SUGP1: variants seen among roughly 807,000 people sequenced by gnomAD.
The protein encoded by SUGP1 is SURP and G-patch domain-containing protein 1.
Under a neutral mutation model 76.5 loss-of-function variants are expected in SUGP1, and 34 were observed. The ratio of observed to expected loss-of-function variants is 0.44; its 90% CI spans 0.34 to 0.59. SUGP1 has a LOEUF of 0.59. Ranked by LOEUF, SUGP1 falls within the 20% of genes least tolerant of loss-of-function variation. The pLI is 0.01. For missense variants in SUGP1, 752 were observed against 851.7 expected (o/e 0.88, Z 1.46); for synonymous variants, 326 against 326.2 (o/e 1.00, Z 0.01).
intron 13 of SUGP1, 40 bp downstream of exon 13, chr19:19,276,907 C>T: frequency 6.2e-7 from 1 of 1,609,726 alleles, no homozygotes; most frequent in Non-Finnish European, 8.5e-7. Flanking sequence ...CCACCCTCTC[C>T]TGTCGACTGA....
chr19:19,314,261 T>C (rs897384266), intron 2 of SUGP1, among the ~76,000 whole-genome samples: 7 of 151,966 alleles, frequency 4.6e-5, no homozygotes, highest in Admixed American at 2.0e-4. Context: ...AGGCGGAGGT[T>C]GTAGTGAGCC....
chr19:19,320,500 A>G lies in SUGP1; in HGVS notation c.-4T>C. 6.2e-7 allele frequency: 1 copy of G among 1,609,540 alleles called. No homozygotes were observed. Among genetic ancestry groups the G allele is most frequent in the Non-Finnish European group, 8.5e-7 (1 of 1,178,412 alleles). On this transcript the variant is annotated 5_prime_UTR_variant, in exon 1 of 14. Transcript: ENST00000247001. Reference sequence around the variant, plus strand: ...GGTTGTCCATCTTGAGACTCATCCAATCCCACAATGCTCCGGCGCCCCTTA... The same window carrying G: ...GGTTGTCCATCTTGAGACTCATCCAGTCCCACAATGCTCCGGCGCCCCTTA...
chr19:19,278,150 A>C (rs897154780), intron 11 of SUGP1, among the ~76,000 whole-genome samples: 2 of 152,224 alleles, frequency 1.3e-5, no homozygotes, highest in African/African-American at 2.4e-5. Context: ...GAGATAAAGC[A>C]ATGGTTCACT....
At chr19:19,314,832 T>G (rs994663665) in intron 2 of SUGP1, among the ~76,000 whole-genome samples, 105 of 151,800 alleles carry the variant, frequency 6.9e-4, no homozygotes, top group African/African-American at 2.3e-3. Context: ...GTCAGGAGTT[T>G]GAGACCAGCC....
Position 19,305,967 on chromosome 19 carries a change from C to A in SUGP1, c.420G>T (p.Pro140=), listed in dbSNP as rs376726843. Residue 140 remains proline (P), a synonymous_variant, in exon 4 of 14, where the codon CCG becomes CCT. Coordinates refer to ENST00000247001, the MANE Select transcript of SUGP1 (RefSeq NM_172231.4). ...CGTGGGAGTAGCTCTTCACAGGGCC[C>A]GGCAGGCTGGCCAGCCCCAGGCCTG... The part of the protein sequence containing the change: ...RRTGLGLASL[P]GPVKSYSHAK... 7 of 1,612,182 alleles carry A rather than the reference C, an allele frequency of 4.3e-6. No homozygotes were observed. Among genetic ancestry groups the A allele is most frequent in the Admixed American group, 3.3e-5 (2 of 59,974 alleles).
chr19:19,282,503 T>C (rs1250512063), intron 8 of SUGP1, among the ~76,000 whole-genome samples: 5 of 151,342 alleles, frequency 3.3e-5, no homozygotes, highest in Admixed American at 2.6e-4. Flanking sequence ...CAGGAATCAC[T>C]TCATGGAGGG....
intron 1 of SUGP1, among the ~76,000 whole-genome samples, chr19:19,318,498 A>G (rs1352429267): frequency 1.3e-5 from 2 of 151,876 alleles, no homozygotes; most frequent in Non-Finnish European, 2.9e-5. Context: ...GCATGATCGT[A>G]GCTCACTGCA....
intron 13 of SUGP1, 111 bp from the exon 14 acceptor site, chr19:19,276,785 G>T: frequency 6.4e-7 from 1 of 1,567,296 alleles, no homozygotes; most frequent in South Asian, 1.1e-5. Context: ...GAGGTGGCAG[G>T]GCAGGCTTGG....
intron 8 of SUGP1, among the ~76,000 whole-genome samples, chr19:19,288,138 T>C (rs763817373): frequency 3.3e-5 from 5 of 151,894 alleles, no homozygotes; most frequent in Admixed American, 2.0e-4. Context: ...GCCTGGGCAA[T>C]AGAGTGAAAC....
Position 19,278,749 on chromosome 19 carries a change from C to A in SUGP1, c.1576G>T (p.Gly526Ter). The A allele has an allele frequency of 6.2e-7, 1 of 1,614,052 alleles. No homozygotes were observed. The highest frequency in any genetic ancestry group is 1.3e-5 in the African/African-American group (1 of 75,030). The change falls in exon 11 of 14, where the codon GGA becomes TGA. Residue 526 changes from glycine to a stop codon, truncating the protein, a stop_gained. Coordinates refer to ENST00000247001, the MANE Select transcript of SUGP1 (RefSeq NM_172231.4). LOFTEE classifies it high-confidence loss of function. ...AGCTCGTCTGGAGGCAGGAAGTCTCCGATGAAGTGCTTGCCCCGGCCCATC... is the reference window on the plus strand; with the variant it reads ...AGCTCGTCTGGAGGCAGGAAGTCTCAGATGAAGTGCTTGCCCCGGCCCATC... ...TKMGRGKHFI[G>*]DFLPPDELEK... is the part of the protein sequence containing the mutation.
At chr19:19,294,369 C>T (rs2061208359) in intron 8 of SUGP1, among the ~76,000 whole-genome samples, 1 of 151,862 alleles carries the variant, frequency 6.6e-6, no homozygotes, top group Non-Finnish European at 1.5e-5. Context: ...ACAAAAAGTA[C>T]AAAAGTTAGC....
At chr19:19,293,108 C>T (rs1259737353) in intron 8 of SUGP1, among the ~76,000 whole-genome samples, 1 of 150,420 alleles carries the variant, frequency 6.6e-6, no homozygotes, top group African/African-American at 2.4e-5. Flanking sequence ...CGGGGTTTCA[C>T]CATGTTGGCC....
At chr19:19,316,278 C>A in intron 2 of SUGP1, 144 bp downstream of exon 2, 4 of 1,073,304 alleles carry the variant, frequency 3.7e-6, no homozygotes, top group Non-Finnish European at 3.9e-6. Flanking sequence ...AGTGAGCCTC[C>A]CAAGGGCATC....
At chr19:19,285,917 G>A (rs1388490064) in intron 8 of SUGP1, among the ~76,000 whole-genome samples, 1 of 152,126 alleles carries the variant, frequency 6.6e-6, no homozygotes, top group Non-Finnish European at 1.5e-5. Context: ...AAATGCAGTT[G>A]GGTTTATGAT....
At chr19:19,313,639 T>C (rs546148760) in intron 2 of SUGP1, among the ~76,000 whole-genome samples, 2 of 152,132 alleles carry the variant, frequency 1.3e-5, no homozygotes, top group Non-Finnish European at 2.9e-5. Context: ...AGTCCAGGAA[T>C]TCCAGACTGC....
chr19:19,277,666 T>C, intron 12 of SUGP1, 68 bp downstream of exon 12: 3 of 1,575,536 alleles, frequency 1.9e-6, no homozygotes, highest in Non-Finnish European at 2.6e-6. Context: ...GGGGTGGGAA[T>C]GGGGAGGCGG....
At chr19:19,319,901 A>G (rs1393419779) in intron 1 of SUGP1, among the ~76,000 whole-genome samples, 1 of 152,150 alleles carries the variant, frequency 6.6e-6, no homozygotes, top group Non-Finnish European at 1.5e-5. Context: ...TGTTTCGGTC[A>G]CCGCTGCATG....
At position 19,297,264 on chromosome 19, in the gene SUGP1, G is replaced by T; in HGVS notation, c.968C>A (p.Ser323Tyr). ...ATCAGGTGCTGTGAAGCTGCCTGTG[G>T]AGCTGGCCTTGGCTTTCCGGAACTC... Reference protein sequence around the residue: ...LEEFRKAKASSTGSFTAPDPG... With the variant: ...LEEFRKAKASYTGSFTAPDPG... Residue 323 changes from serine to tyrosine, a missense_variant, in exon 8 of 14, where the codon TCC becomes TAC. Transcript: ENST00000247001. The T allele has an allele frequency of 1.3e-6, 2 of 1,573,772 alleles. No individual in the cohort carries two copies. Among genetic ancestry groups the T allele is most frequent in the Non-Finnish European group, 1.7e-6 (2 of 1,154,736 alleles).
At position 19,276,253 on chromosome 19, in the gene SUGP1, G is replaced by C. The variant is rs1490536439; in HGVS notation, c.*395C>G. The C allele has an allele frequency of 1.1e-5, 2 of 188,386 alleles. No individual in the cohort carries two copies. The highest frequency in any genetic ancestry group is 2.2e-5 in the Non-Finnish European group (2 of 89,498). The allele number at this position is 188,386 out of a possible 1,614,324, so 11.7% of individuals were successfully genotyped here. A position where few individuals can be genotyped will look rare whatever the true frequency, so the allele number is the denominator to read the frequency against. ...TTTAGTAGAGACAGGATTTCACCAT[G>C]TTGGCCAGGCTGGTCTTAAACTCCT... On this transcript the variant is annotated 3_prime_UTR_variant, in exon 14 of 14. Coordinates refer to ENST00000247001, the MANE Select transcript of SUGP1 (RefSeq NM_172231.4).
Sources: allele counts gnomAD v4.1 joint callset (sites outside exome capture counted in the v4.1 genomes callset), GRCh38; gene constraint gnomAD v4.1.1; transcripts MANE v1.5; gene names NCBI Gene and HGNC (gene_info 2026-07-23, HGNC 2026-07-21).